NEMP2: variants seen among roughly 807,000 people sequenced by gnomAD.
The protein encoded by NEMP2 is nuclear envelope integral membrane protein 2, also known as UPF0571 transmembrane protein.
NEMP2 carries 53 observed loss-of-function variants against 54.2 expected under a neutral mutation model. The observed-to-expected ratio is 0.98, with a 90% CI of 0.78 to 1.23. NEMP2 has a LOEUF of 1.23. NEMP2 is among the 50% of genes most tolerant of loss of function. The probability of loss-of-function intolerance (pLI) is 0.00; values close to 1 mark genes in which losing one functional copy is unlikely to be tolerated. For synonymous variants in NEMP2, 197 were observed against 190.3 expected (o/e 1.04, Z -0.29); for missense variants, 455 against 511.3 (o/e 0.89, Z 1.06).
chr2:190,436,761 A>T, the NEMP2 span: 1 of 1,614,216 alleles, frequency 6.2e-7, no homozygotes. The surrounding 1 kb of genome is among the most constrained non-coding windows in gnomAD (Gnocchi z 5.3). Context: ...CTTTGAACTC[A>T]AGCACAGCAA....
At chr2:190,431,937 ATCTTC>A in the NEMP2 span, among the ~76,000 whole-genome samples, 1 of 152,084 alleles carries the variant, frequency 6.6e-6, no homozygotes, top group Non-Finnish European at 1.5e-5. The surrounding 1 kb of genome is among the most constrained non-coding windows in gnomAD (Gnocchi z 4.4). Flanking sequence ...TAGTTGCATA[ATCTTC>A]TCTTATTTCT....
At chr2:190,431,111 G>A in the NEMP2 span, among the ~76,000 whole-genome samples, 1 of 149,734 alleles carries the variant, frequency 6.7e-6, no homozygotes, top group Non-Finnish European at 1.5e-5. This position sits in a 1 kb window ranked among gnomAD's most constrained non-coding sequence, Gnocchi z 4.4. Flanking sequence ...CAGACAGGGC[G>A]GCGGGGCAGA....
At chr2:190,629,873 A>G in the NEMP2 span, 1 of 152,230 alleles carries the variant, frequency 6.6e-6, no homozygotes. Context: ...AACAAGTGGG[A>G]TCAACAATTT....
At chr2:190,478,518 G>T in the NEMP2 span, among the ~76,000 whole-genome samples, 3 of 152,186 alleles carry the variant, frequency 2.0e-5, no homozygotes, top group African/African-American at 7.2e-5. Flanking sequence ...GTTTGGATTC[G>T]TCTGCCTTTA....
the NEMP2 span, among the ~76,000 whole-genome samples, chr2:190,552,994 A>C: frequency 6.6e-6 from 1 of 152,196 alleles, no homozygotes; most frequent in African/African-American, 2.4e-5. Context: ...CCAAATTTAC[A>C]CAAAACTTTG....
At chr2:190,462,301 T>C in the NEMP2 span, among the ~76,000 whole-genome samples, 4 of 152,178 alleles carry the variant, frequency 2.6e-5, no homozygotes, top group African/African-American at 9.7e-5. The surrounding 1 kb of genome is among the most constrained non-coding windows in gnomAD (Gnocchi z 5.7). Flanking sequence ...CAAATTTTAG[T>C]GTTTCAGACA....
chr2:190,434,998 T>C, the NEMP2 span, among the ~76,000 whole-genome samples: 1 of 152,192 alleles, frequency 6.6e-6, no homozygotes, highest in Non-Finnish European at 1.5e-5. This position sits in a 1 kb window ranked among gnomAD's most constrained non-coding sequence, Gnocchi z 4.3. Context: ...ATGTAGGTTG[T>C]GTGCTCCTTA....
downstream of NEMP2, chr2:190,501,415 A>G (rs1690017841): frequency 6.6e-6 from 1 of 152,238 alleles, no homozygotes; most frequent in Non-Finnish European, 1.5e-5. Flanking sequence ...TGCAGCCAGA[A>G]CAATGGCTGG....
chr2:190,565,159 A>AT, the NEMP2 span, among the ~76,000 whole-genome samples: 36,214 of 150,806 alleles, frequency 0.24, 5,046 homozygotes, highest in South Asian at 0.32. Flanking sequence ...GGAAATACGA[A>AT]TTTTTTTTTT....
the NEMP2 span, among the ~76,000 whole-genome samples, chr2:190,482,708 A>G: frequency 2.6e-5 from 4 of 152,012 alleles, no homozygotes; most frequent in Non-Finnish European, 4.4e-5. Flanking sequence ...TTATTTCAGT[A>G]GAGCATTCTT....
chr2:190,615,583 G>GGCCTGT, the NEMP2 span, among the ~76,000 whole-genome samples: 1 of 152,188 alleles, frequency 6.6e-6, no homozygotes, highest in African/African-American at 2.4e-5. The surrounding 1 kb of genome is among the most constrained non-coding windows in gnomAD (Gnocchi z 4.7). Context: ...AGGCATGATT[G>GGCCTGT]ATAAATCACT....
At chr2:190,606,840 T>C in the NEMP2 span, among the ~76,000 whole-genome samples, 1 of 152,366 alleles carries the variant, frequency 6.6e-6, no homozygotes, top group African/African-American at 2.4e-5. Flanking sequence ...TGCTAATTTT[T>C]CCCAATGCAT....
chr2:190,437,166 G>A, the NEMP2 span: 5 of 1,614,210 alleles, frequency 3.1e-6, no homozygotes, highest in South Asian at 4.4e-5. The surrounding 1 kb of genome is among the most constrained non-coding windows in gnomAD (Gnocchi z 5.9). Context: ...GCGTTCTCAT[G>A]ACCATGGCCT....
the NEMP2 span, among the ~76,000 whole-genome samples, chr2:190,615,916 A>C: frequency 1.3e-5 from 2 of 152,232 alleles, no homozygotes; most frequent in Non-Finnish European, 2.9e-5. The surrounding 1 kb of genome is among the most constrained non-coding windows in gnomAD (Gnocchi z 4.7). Context: ...CTTTAATATA[A>C]TTTAGAGCAG....
At chr2:190,441,993 G>T in the NEMP2 span, among the ~76,000 whole-genome samples, 1 of 152,064 alleles carries the variant, frequency 6.6e-6, no homozygotes, top group Non-Finnish European at 1.5e-5. Flanking sequence ...ACTCCTGATG[G>T]CAATTGATAC....
the NEMP2 span, among the ~76,000 whole-genome samples, chr2:190,430,632 G>A: frequency 6.6e-6 from 1 of 151,924 alleles, no homozygotes; most frequent in Non-Finnish European, 1.5e-5. Context: ...GCAACCATCC[G>A]ATTTCTCAAT....
chr2:190,539,035 C>A (rs1465415685), upstream of NEMP2, among the ~76,000 whole-genome samples: 1 of 152,098 alleles, frequency 6.6e-6, no homozygotes, highest in East Asian at 1.9e-4. This position sits in a 1 kb window ranked among gnomAD's most constrained non-coding sequence, Gnocchi z 4.1. Context: ...AATCTTTGCC[C>A]AAATCAATGT....
At chr2:190,603,292 CCT>C in the NEMP2 span, among the ~76,000 whole-genome samples, 5 of 151,956 alleles carry the variant, frequency 3.3e-5, no homozygotes, top group Non-Finnish European at 7.4e-5. Context: ...AAAAATCATC[CCT>C]CTCAGAGATG....
chr2:190,600,451 A>G, the NEMP2 span, among the ~76,000 whole-genome samples: 1 of 152,078 alleles, frequency 6.6e-6, no homozygotes, highest in Admixed American at 6.5e-5. This position sits in a 1 kb window ranked among gnomAD's most constrained non-coding sequence, Gnocchi z 4.9. Flanking sequence ...TTTAACCCCC[A>G]GTGTGGCCCT....
Sources: allele counts gnomAD v4.1 joint callset (sites outside exome capture counted in the v4.1 genomes callset), GRCh38; gene constraint gnomAD v4.1.1; non-coding constraint Gnocchi (gnomAD v3.1); transcripts MANE v1.5; gene names NCBI Gene and HGNC (gene_info 2026-07-23, HGNC 2026-07-21).